The following PTGER3 variants were observed in gnomAD, a reference collection of about 807,000 sequenced individuals.
PTGER3 encodes prostaglandin E receptor 3.
A neutral mutation model predicts 34.7 loss-of-function variants in PTGER3; 22 were observed. The observed-to-expected ratio is 0.63, with a 90% CI of 0.45 to 0.91. PTGER3 has a LOEUF of 0.91. Among genes scored for constraint, PTGER3 ranks in the 40% least tolerant of loss-of-function variants. The pLI is 0.00. For missense variants in PTGER3, 468 were observed against 519.4 expected, an observed-to-expected ratio of 0.90 and a Z score of 0.96; for synonymous variants, 241 against 230.1, an observed-to-expected ratio of 1.05 and a Z score of -0.43.
At chr1:70,916,107 C>T (rs1241490680) in intron 4 of PTGER3, among the ~76,000 whole-genome samples, 1 of 151,888 alleles carries the variant, frequency 6.6e-6, no homozygotes, top group African/African-American at 2.4e-5. Context: ...AGAAGACATA[C>T]AAGCAACGAA....
At chr1:71,015,163 G>T (rs764024123) in intron 1 of PTGER3, among the ~76,000 whole-genome samples, 1 of 152,086 alleles carries the variant, frequency 6.6e-6, no homozygotes, top group East Asian at 1.9e-4. Flanking sequence ...TATCTCAGTT[G>T]TTCCTGATTA....
At chr1:71,014,587 A>G (rs1277863031) in intron 1 of PTGER3, among the ~76,000 whole-genome samples, 1 of 152,098 alleles carries the variant, frequency 6.6e-6, no homozygotes, top group Non-Finnish European at 1.5e-5. Context: ...GAGCTCCTAT[A>G]ATGGGATTAT....
At chr1:70,892,276 G>A (rs149683725) in intron 4 of PTGER3, among the ~76,000 whole-genome samples, 1,905 of 152,232 alleles carry the variant, frequency 0.013, 46 homozygotes, top group Non-Finnish European at 0.015. Context: ...AAATGTTGAC[G>A]ATAACCCTAC....
intron 1 of PTGER3, among the ~76,000 whole-genome samples, chr1:71,020,255 C>T (rs999321066): frequency 4.5e-5 from 6 of 133,552 alleles, no homozygotes; most frequent in African/African-American, 1.3e-4. Flanking sequence ...ATAAACAGCT[C>T]ATAAACATTA....
At chr1:70,894,309 C>CAAAAAAAAA (rs35974984) in intron 4 of PTGER3, among the ~76,000 whole-genome samples, 5 of 46,716 alleles carry the variant, frequency 1.1e-4, no homozygotes, top group Non-Finnish European at 1.8e-4. Context: ...AACTCCATCT[C>CAAAAAAAAA]AAAAAAAAAA....
intron 4 of PTGER3, among the ~76,000 whole-genome samples, chr1:70,924,265 T>C (rs1033149956): frequency 2.0e-5 from 3 of 152,238 alleles, no homozygotes; most frequent in Non-Finnish European, 4.4e-5. Flanking sequence ...TGCTATACTT[T>C]ATACAAATAA....
chr1:70,989,151 T>A (rs1441494135), intron 2 of PTGER3, among the ~76,000 whole-genome samples: 3 of 152,174 alleles, frequency 2.0e-5, no homozygotes, highest in Non-Finnish European at 4.4e-5. Flanking sequence ...ATACAGATAG[T>A]GGCACAGGAA....
chr1:71,025,821 G>T (rs2100924400), intron 1 of PTGER3, among the ~76,000 whole-genome samples: 1 of 152,278 alleles, frequency 6.6e-6, no homozygotes, highest in East Asian at 1.9e-4. Context: ...AAAATTGTGG[G>T]TTAAACCCAG....
At chr1:70,940,623 A>C (rs756033095) in intron 4 of PTGER3, among the ~76,000 whole-genome samples, 1 of 152,176 alleles carries the variant, frequency 6.6e-6, no homozygotes, top group African/African-American at 2.4e-5. Flanking sequence ...AGGAAGAAGC[A>C]AAAGCAGAAG....
At chr1:70,966,453 T>C (rs909322591), downstream of PTGER3, among the ~76,000 whole-genome samples, 1 of 152,118 alleles carries the variant, frequency 6.6e-6, no homozygotes, top group African/African-American at 2.4e-5. Flanking sequence ...AGGCTTATAT[T>C]TATCTAGTTT....
chr1:70,963,249 T>G (rs1652135429), intron 2 of PTGER3, among the ~76,000 whole-genome samples: 1 of 152,160 alleles, frequency 6.6e-6, no homozygotes, highest in African/African-American at 2.4e-5. Context: ...GCATTGAGTA[T>G]CTAAGGCTTT....
At chr1:71,012,025 T>A (rs991626166) in intron 2 of PTGER3, 98 of 1,410,864 alleles carry the variant, frequency 6.9e-5, no homozygotes, top group Non-Finnish European at 8.4e-5. Context: ...TATTAATATA[T>A]TTTCCTTTGT....
At chr1:70,923,140 A>G (rs984657769) in intron 4 of PTGER3, among the ~76,000 whole-genome samples, 1 of 152,068 alleles carries the variant, frequency 6.6e-6, no homozygotes. Flanking sequence ...CACTAACACA[A>G]CAGTGACATT....
chr1:70,961,147 A>G (rs1337577204), intron 2 of PTGER3, among the ~76,000 whole-genome samples: 1 of 152,324 alleles, frequency 6.6e-6, no homozygotes, highest in African/African-American at 2.4e-5. Context: ...ATCACCTGGA[A>G]GGTTTAAAAA....
Position 70,888,432 on chromosome 1 carries a change from C to T in PTGER3, c.*24-35573G>A, listed in dbSNP as rs1646544358. ...TTATACAACATGATGTTTTGATACA[C>T]ATTTGCATAGTAAAATAATTACTAC... On this transcript the variant is annotated intron_variant, in intron 4 of 4. Coordinates refer to the PTGER3 transcript ENST00000370931. 3.3e-5 allele frequency among the ~76,000 whole-genome samples: 5 copies of T among 152,044 alleles called. No homozygotes were observed. In the South Asian group the frequency reaches 1.0e-3, roughly 32 times the overall value.
At chr1:70,885,879 C>T (rs1646487824) in intron 4 of PTGER3, among the ~76,000 whole-genome samples, 1 of 152,152 alleles carries the variant, frequency 6.6e-6, no homozygotes, top group African/African-American at 2.4e-5. Context: ...AAGGAGCTTT[C>T]AAAGGGGATA....
chr1:71,047,202 A>C lies in PTGER3; in HGVS notation c.376T>G (p.Ser126Ala). ...CCGAAAAAGGTGCAGAGCCGCCCCG[A>C]CGGGTCGATGTGCTCCCAACGCTGC... Reference protein sequence around the residue: ...SKQRWEHIDPSGRLCTFFGLT... With the variant: ...SKQRWEHIDPAGRLCTFFGLT... Residue 126 changes from serine (S) to alanine (A), a missense_variant, in exon 1 of 4, where the codon TCG becomes GCG. By Grantham distance (99) the Ser-to-Ala change is moderately conservative. Transcript: ENST00000306666. The C allele has an allele frequency of 6.3e-7, 1 of 1,598,600 alleles. No homozygotes were observed. Among genetic ancestry groups the C allele is most frequent in the South Asian group, 1.1e-5 (1 of 89,158 alleles).
At chr1:70,913,319 G>T (rs1429345469) in intron 4 of PTGER3, among the ~76,000 whole-genome samples, 1 of 151,912 alleles carries the variant, frequency 6.6e-6, no homozygotes, top group Non-Finnish European at 1.5e-5. Flanking sequence ...ATACAGAAAT[G>T]AAATTGACTT....
chr1:70,867,152 C>T (rs1646059948), intron 4 of PTGER3, among the ~76,000 whole-genome samples: 1 of 152,252 alleles, frequency 6.6e-6, no homozygotes, highest in Admixed American at 6.5e-5. Context: ...TAGGCTGTTT[C>T]CTCTTCTGCA....
Sources: gnomAD v4.1 joint callset for allele counts (sites outside exome capture counted in the v4.1 genomes callset) on GRCh38, gnomAD v4.1.1 for gene constraint, MANE v1.5 for transcripts, NCBI Gene and HGNC (gene_info 2026-07-23, HGNC 2026-07-21) for gene names.